ERBB4: variants seen among roughly 807,000 people sequenced by gnomAD.
ERBB4 encodes erb-b2 receptor tyrosine kinase 4.
A neutral mutation model predicts 158.0 loss-of-function variants in ERBB4; 42 were observed. The ratio of observed to expected loss-of-function variants is 0.27; its 90% CI spans 0.21 to 0.34. The LOEUF (loss-of-function observed/expected upper bound fraction) is 0.34. Ranked by LOEUF, ERBB4 falls within the 10% of genes least tolerant of loss-of-function variation. The pLI is 1.00. For synonymous variants in ERBB4, 583 were observed against 558.7 expected (o/e 1.04, Z -0.61); for missense variants, 1,333 against 1,624.1 (o/e 0.82, Z 3.08).
chr2:212,463,415 T>C (rs115460848), intron 1 of ERBB4, among the ~76,000 whole-genome samples: 1,701 of 152,232 alleles, frequency 0.011, 13 homozygotes, highest in Middle Eastern at 0.034. Context: ...CACATATATG[T>C]ATATATGCTT....
intron 3 of ERBB4, among the ~76,000 whole-genome samples, chr2:211,928,096 G>A (rs921727772): frequency 7.9e-5 from 12 of 152,034 alleles, no homozygotes; most frequent in Admixed American, 2.6e-4. Context: ...CGTAGGTCAC[G>A]CACCTGGAAT....
chr2:212,157,727 G>T (rs1263828623), intron 1 of ERBB4, among the ~76,000 whole-genome samples: 3 of 152,072 alleles, frequency 2.0e-5, no homozygotes, highest in Non-Finnish European at 4.4e-5. Context: ...AAATCCACAT[G>T]TATAGAAACT....
intron 3 of ERBB4, among the ~76,000 whole-genome samples, chr2:211,905,301 C>G (rs2079348908): frequency 1.3e-5 from 2 of 151,962 alleles, no homozygotes; most frequent in South Asian, 4.2e-4. Context: ...TGACTCTGTT[C>G]TCCCCTTCTG....
chr2:211,388,138 A>G, intron 25 of ERBB4, 146 bp from the exon 26 acceptor site: 2 of 688,932 alleles, frequency 2.9e-6, no homozygotes, highest in Non-Finnish European at 5.2e-6. Context: ...CCTAAGCAGC[A>G]CAATTGTATG....
At chr2:211,675,029 G>A (rs1291231462) in intron 13 of ERBB4, among the ~76,000 whole-genome samples, 1 of 151,916 alleles carries the variant, frequency 6.6e-6, no homozygotes, top group Admixed American at 6.6e-5. Flanking sequence ...GATTTTTCCT[G>A]CTCTCAGAAA....
At chr2:211,692,385 A>G (rs541519996) in intron 12 of ERBB4, among the ~76,000 whole-genome samples, 101 of 152,310 alleles carry the variant, frequency 6.6e-4, no homozygotes, top group Non-Finnish European at 1.1e-3. Context: ...TCACTAAAAG[A>G]ATACTGAAAT....
chr2:211,662,558 A>C (rs949140066), intron 15 of ERBB4, among the ~76,000 whole-genome samples: 1 of 152,206 alleles, frequency 6.6e-6, no homozygotes, highest in Non-Finnish European at 1.5e-5. Context: ...GCAGATATCC[A>C]ATATACAAAG....
chr2:211,575,985 T>C (rs959542014), intron 19 of ERBB4, among the ~76,000 whole-genome samples: 1 of 152,226 alleles, frequency 6.6e-6, no homozygotes, highest in Non-Finnish European at 1.5e-5. Flanking sequence ...CAAGTTTTTA[T>C]ATTAAATATT....
At chr2:211,402,421 G>A (rs552994059) in intron 25 of ERBB4, among the ~76,000 whole-genome samples, 2 of 152,116 alleles carry the variant, frequency 1.3e-5, no homozygotes, top group Non-Finnish European at 2.9e-5. Flanking sequence ...AATTCTTACT[G>A]AAAAGTGACC....
chr2:211,931,584 G>A (rs1283838801), intron 3 of ERBB4, among the ~76,000 whole-genome samples: 1 of 151,572 alleles, frequency 6.6e-6, no homozygotes, highest in Non-Finnish European at 1.5e-5. Context: ...CAAGAAGATA[G>A]GTAGTAGGTA....
At chr2:211,878,420 A>C (rs193114726) in intron 3 of ERBB4, among the ~76,000 whole-genome samples, 9 of 152,336 alleles carry the variant, frequency 5.9e-5, no homozygotes, top group African/African-American at 2.2e-4. Flanking sequence ...TGAAAAAGTA[A>C]TAAAAGGTAT....
chr2:212,465,897 GTTC>G (rs1688807437), intron 1 of ERBB4, among the ~76,000 whole-genome samples: 1 of 152,118 alleles, frequency 6.6e-6, no homozygotes, highest in African/African-American at 2.4e-5. Context: ...AATACTTGAA[GTTC>G]TTCTATTTGA....
chr2:211,533,794 C>A (rs1390273970), intron 20 of ERBB4, among the ~76,000 whole-genome samples: 3 of 151,996 alleles, frequency 2.0e-5, no homozygotes, highest in South Asian at 4.1e-4. Context: ...TAAATTCATT[C>A]ATATATGACA....
intron 1 of ERBB4, among the ~76,000 whole-genome samples, chr2:212,161,966 G>C (rs2081214355): frequency 6.6e-6 from 1 of 151,860 alleles, no homozygotes; most frequent in Non-Finnish European, 1.5e-5. Context: ...TCCAGAGCAA[G>C]TAGCACTGTT....
chr2:211,990,701 T>A (rs1271737464), intron 2 of ERBB4, among the ~76,000 whole-genome samples: 3 of 151,870 alleles, frequency 2.0e-5, no homozygotes. Context: ...GATGCTCAAG[T>A]GAAAAGTTCA....
intron 7 of ERBB4, among the ~76,000 whole-genome samples, chr2:211,717,015 G>A (rs1489363512): frequency 6.6e-6 from 1 of 152,188 alleles, no homozygotes; most frequent in Non-Finnish European, 1.5e-5. Flanking sequence ...AAGGGCTATA[G>A]TAAAGAAAAG....
intron 2 of ERBB4, among the ~76,000 whole-genome samples, chr2:212,095,958 AAG>A (rs1491536658): frequency 1.3e-5 from 2 of 150,712 alleles, no homozygotes; most frequent in Non-Finnish European, 3.0e-5. Context: ...AAAAAAAAAA[AAG>A]AAAGAAAGAA....
rs190528065 is a variant in ERBB4 at position 212,010,677 on chromosome 2, C to G, written c.235-63061G>C. Reference sequence around the variant, plus strand: ...ATCTTAAACAACAGAAAACAGGGTTCGAGAGCAGAGAACCAGTCTGACCAC... The same window carrying G: ...ATCTTAAACAACAGAAAACAGGGTTGGAGAGCAGAGAACCAGTCTGACCAC... On this transcript the variant is annotated intron_variant, in intron 2 of 27. Coordinates refer to ENST00000342788, the MANE Select transcript of ERBB4 (RefSeq NM_005235.3). Among the ~76,000 whole-genome samples the G allele has an allele frequency of 2.4e-4, 37 of 152,166 alleles. 1 individual carries two copies. Among genetic ancestry groups the G allele is most frequent in the Admixed American group, 2.3e-3 (35 of 15,274 alleles).
intron 1 of ERBB4, among the ~76,000 whole-genome samples, chr2:212,515,866 T>C (rs1391215541): frequency 1.3e-5 from 2 of 152,008 alleles, no homozygotes; most frequent in South Asian, 2.1e-4. Context: ...CCTGTAAAGA[T>C]GTAACTCAAA....
Sources: allele counts gnomAD v4.1 joint callset (sites outside exome capture counted in the v4.1 genomes callset), GRCh38; gene constraint gnomAD v4.1.1; transcripts MANE v1.5; gene names NCBI Gene and HGNC (gene_info 2026-07-23, HGNC 2026-07-21).